AIMP2: variants seen among roughly 807,000 people sequenced by gnomAD.
The protein encoded by AIMP2 is aminoacyl tRNA synthase complex-interacting multifunctional protein 2.
AIMP2 carries 20 observed loss-of-function variants against 23.4 expected under a neutral mutation model. The observed-to-expected ratio is 0.85, with a 90% CI of 0.60 to 1.24. AIMP2 has a LOEUF of 1.24. Among genes scored for constraint, AIMP2 ranks in the 50% most tolerant of loss-of-function variants. The pLI is 0.00. For synonymous variants in AIMP2, 210 were observed against 170.4 expected, an observed-to-expected ratio of 1.23 and a Z score of -1.81; for missense variants, 515 against 414.5, an observed-to-expected ratio of 1.24 and a Z score of -2.10.
rs1044602990 is a variant in AIMP2 at position 6,017,360 on chromosome 7, T to TA, written c.343-441dup. The stretch of plus-strand genomic sequence containing the variant: ...GCAAAACCCCATCTCTACTAAAAAT[T>TA]AAAAAAAAAAAAATTAGCTGGGCAT... On this transcript the variant is annotated intron_variant, in intron 2 of 3. Coordinates refer to ENST00000223029, the MANE Select transcript of AIMP2 (RefSeq NM_006303.4). Among the ~76,000 whole-genome samples the TA allele has an allele frequency of 1.9e-3, 270 of 142,114 alleles. 1 individual carries two copies. The highest frequency in any genetic ancestry group is 5.6e-3 in the African/African-American group (215 of 38,704). 93.2% of individuals were successfully genotyped at this position (142,114 alleles called of 152,430 possible).
intron 2 of AIMP2, chr7:6,016,952 C>A: frequency 6.3e-6 from 1 of 158,974 alleles, no homozygotes; most frequent in East Asian, 1.8e-4. Flanking sequence ...ACTGTGGCCC[C>A]GAACCATTGC....
intron 3 of AIMP2, among the ~76,000 whole-genome samples, chr7:6,019,867 C>T (rs1429835876): frequency 6.6e-6 from 1 of 151,682 alleles, no homozygotes; most frequent in Non-Finnish European, 1.5e-5. Flanking sequence ...ACTAAAAATA[C>T]AAAAATTAGC....
At position 6,023,834 on chromosome 7, in the gene AIMP2, A is replaced by G; in HGVS notation, c.*143A>G. 6.4e-7 allele frequency: 1 copy of G among 1,555,066 alleles called. No homozygotes were observed. Among genetic ancestry groups the G allele is most frequent in the Non-Finnish European group, 8.7e-7 (1 of 1,148,946 alleles). The stretch of plus-strand genomic sequence containing the variant: ...TGTCAATAAAAGCATCATGTAATTT[A>G]TGGTTTTCATTTTATTTAAAATTCA... On this transcript the variant is annotated 3_prime_UTR_variant, in exon 4 of 4. Coordinates refer to ENST00000223029, the MANE Select transcript of AIMP2 (RefSeq NM_006303.4).
intron 3 of AIMP2, among the ~76,000 whole-genome samples, chr7:6,019,640 A>G (rs1787257048): frequency 6.6e-6 from 1 of 152,210 alleles, no homozygotes; most frequent in African/African-American, 2.4e-5. Flanking sequence ...ATGAGATTAC[A>G]TGAGAAAGGT....
chr7:6,023,245 C>A, intron 3 of AIMP2, 58 bp from the exon 4 acceptor site: 1 of 1,520,430 alleles, frequency 6.6e-7, no homozygotes, highest in Non-Finnish European at 8.7e-7. Flanking sequence ...CCCCACTGTG[C>A]GAGTACTTCC....
Position 6,018,009 on chromosome 7 carries a change from G to A in AIMP2, c.538G>A (p.Asp180Asn), listed in dbSNP as rs1787133834. The A allele has an allele frequency of 6.2e-7, 1 of 1,613,902 alleles. No individual in the cohort carries two copies. ...ACAGAATAAAAAACAGCCCCGCCAA[G>A]ACTATCAGCTGGGATTCACTTTAAT... Reference protein sequence around the residue: ...GEQNKKQPRQDYQLGFTLIWK... With the variant: ...GEQNKKQPRQNYQLGFTLIWK... The change falls in exon 3 of 4, where the codon GAC becomes AAC. Residue 180 changes from aspartate to asparagine, a missense_variant. By Grantham distance (23) the Asp-to-Asn change is conservative. Coordinates refer to ENST00000223029, the MANE Select transcript of AIMP2 (RefSeq NM_006303.4).
rs144366351 is a variant in AIMP2 at position 6,012,252 on chromosome 7, C to CAAA, written c.135+2766_135+2768dup. Among the ~76,000 whole-genome samples, 3 of 114,018 alleles carry CAAA rather than the reference C, an allele frequency of 2.6e-5. No homozygotes were observed. In the South Asian group the frequency reaches 8.2e-4, roughly 31 times the overall value. 74.8% of individuals were successfully genotyped at this position (114,018 alleles called of 152,430 possible). The stretch of plus-strand genomic sequence containing the variant: ...TGGGCAACAGAGTAAAACCCTGTCT[C>CAAA]AAAAAAAAAAAAAAGAAAAAAAGCA... On this transcript the variant is annotated intron_variant, in intron 1 of 3. Coordinates refer to ENST00000223029, the MANE Select transcript of AIMP2 (RefSeq NM_006303.4).
At position 6,009,974 on chromosome 7, in the gene AIMP2, A is replaced by AATATATACAT. The variant is rs1554310936; in HGVS notation, c.135+483_135+484insCATATATATA. On this transcript the variant is annotated intron_variant, in intron 1 of 3. Coordinates refer to ENST00000223029, the MANE Select transcript of AIMP2 (RefSeq NM_006303.4). ...CAAAAAAAAAAAAAAAAAAAAAAAA[A>AATATATACAT]ATATATATATATATATATGTATGTA... Among the ~76,000 whole-genome samples, 10 of 26,664 alleles carry AATATATACAT rather than the reference A, an allele frequency of 3.8e-4. 1 individual carries two copies. Among genetic ancestry groups the AATATATACAT allele is most frequent in the African/African-American group, 2.8e-4 (2 of 7,138 alleles). 17.5% of individuals were successfully genotyped at this position (26,664 alleles called of 152,430 possible).
intron 2 of AIMP2, among the ~76,000 whole-genome samples, chr7:6,015,936 C>T (rs908449659): frequency 1.3e-5 from 2 of 152,202 alleles, no homozygotes; most frequent in African/African-American, 4.8e-5. Flanking sequence ...AAGAGAGTTA[C>T]AGCCTCTGCC....
At chr7:6,014,381 C>A (rs1015896125) in intron 1 of AIMP2, among the ~76,000 whole-genome samples, 1 of 150,958 alleles carries the variant, frequency 6.6e-6, no homozygotes, top group African/African-American at 2.4e-5. Flanking sequence ...CCTCAGCCTC[C>A]TGAGTAGCTG....
At position 6,018,126 on chromosome 7, in the gene AIMP2, A is replaced by G. The variant is rs912722420; in HGVS notation, c.574+81A>G. On this transcript the variant is annotated intron_variant, in intron 3 of 3. Transcript: ENST00000223029. ...GTTTCACCTGCATGAGTCCATTTAC[A>G]TGTGGATTTTTTTCTTTTTCTTTTT... 4 of 1,047,838 alleles carry G rather than the reference A, an allele frequency of 3.8e-6. No homozygotes were observed. The South Asian group carries it at 5.0e-5, about 13-fold the overall frequency. 64.9% of individuals were successfully genotyped at this position (1,047,838 alleles called of 1,614,324 possible).
At chr7:6,012,576 G>C in intron 1 of AIMP2, 1 of 192,746 alleles carries the variant, frequency 5.2e-6, no homozygotes. Context: ...TTTTGTTTTT[G>C]AGACAGAGTC....
Position 6,015,957 on chromosome 7 carries a change from T to G in AIMP2, c.342+605T>G, listed in dbSNP as rs115050842. On this transcript the variant is annotated intron_variant, in intron 2 of 3. Transcript: ENST00000223029. ...GTTACAGCCTCTGCCAGTCCGGGCA[T>G]GGGTCCAGCAGCTTCTGAGCCCTGG... Among the ~76,000 whole-genome samples, 172 of 152,248 alleles carry G rather than the reference T, an allele frequency of 1.1e-3. 2 individuals carry two copies. The highest frequency in any genetic ancestry group is 4.0e-3 in the African/African-American group (166 of 41,534).
rs747111139 is a variant in AIMP2, at chr7:6,023,622, T to C, written c.894T>C (p.Asn298=). Residue 298 remains asparagine, a synonymous_variant, in exon 4 of 4, where the codon AAT becomes AAC. Coordinates refer to ENST00000223029, the MANE Select transcript of AIMP2 (RefSeq NM_006303.4). Reference sequence around the variant, plus strand: ...GCTGCAGTGTGACAGTGCCAGCCAATGTGCAGAGGTGGATGAGGTCTTGTG... The same window carrying C: ...GCTGCAGTGTGACAGTGCCAGCCAACGTGCAGAGGTGGATGAGGTCTTGTG... ...IGGCSVTVPA[N]VQRWMRSCEN... 4.3e-6 allele frequency: 7 copies of C among 1,614,004 alleles called. No homozygotes were observed. The highest frequency in any genetic ancestry group is 1.6e-4 in the Middle Eastern group (1 of 6,084).
At position 6,023,558 on chromosome 7, in the gene AIMP2, C is replaced by T. The variant is rs1787615880; in HGVS notation, c.830C>T (p.Ala277Val). 1 of 1,614,140 alleles carries T rather than the reference C, an allele frequency of 6.2e-7. No homozygotes were observed. Among genetic ancestry groups the T allele is most frequent in the Admixed American group, 1.7e-5 (1 of 60,008 alleles). Residue 277 changes from alanine (A) to valine (V), a missense_variant, in exon 4 of 4, where the codon GCA becomes GTA. By Grantham distance (64) the Ala-to-Val change is moderately conservative. Coordinates refer to ENST00000223029, the MANE Select transcript of AIMP2 (RefSeq NM_006303.4). ...CTCGCTGGGAATGAACTCACCGTAG[C>T]AGACGTGGTGCTGTGGTCTGTACTC... is the stretch of plus-strand genomic sequence containing the variant. ...PWLAGNELTV[A>V]DVVLWSVLQQ...
rs747742165 is a variant in AIMP2 at position 6,023,442 on chromosome 7, T to C, written c.714T>C (p.Asp238=). 6.2e-7 allele frequency: 1 copy of C among 1,614,172 alleles called. No homozygotes were observed. The highest frequency in any genetic ancestry group is 8.5e-7 in the Non-Finnish European group (1 of 1,180,008). Residue 238 remains aspartate (D), a synonymous_variant, in exon 4 of 4, where the codon GAT becomes GAC. Transcript: ENST00000223029. ...CAACCCTTATAGATAGCTGGGTAGA[T>C]ATTGCGATTTTTCAGTTAAAAGAGG... ...VNATLIDSWV[D]IAIFQLKEGS...
In AIMP2 at chr7:6,009,438, C is replaced by G; in HGVS notation, c.75C>G (p.Tyr25Ter). 1 of 1,611,046 alleles carries G rather than the reference C, an allele frequency of 6.2e-7. No individual in the cohort carries two copies. The highest frequency in any genetic ancestry group is 8.5e-7 in the Non-Finnish European group (1 of 1,179,824). The change falls in exon 1 of 4, where the codon TAC (tyrosine) becomes TAG (stop). Residue 25 changes from tyrosine (Y) to a stop codon, truncating the protein, a stop_gained. Transcript: ENST00000223029. LOFTEE classifies it high-confidence loss of function. ...PLRVELPTCMYRLPNVHGRSY... is the reference protein window; with the variant it reads ...PLRVELPTCM The stretch of plus-strand genomic sequence containing the variant: ...GTGTGGAGCTTCCCACCTGCATGTA[C>G]CGGCTCCCCAACGTGCACGGCAGGA...
rs754902896 is a variant in AIMP2, at chr7:6,009,513, C to T, written c.135+15C>T. On this transcript the variant is annotated intron_variant, in intron 1 of 3. Coordinates refer to ENST00000223029, the MANE Select transcript of AIMP2 (RefSeq NM_006303.4). The stretch of plus-strand genomic sequence containing the variant: ...GCCACGTGCAGGTAGGAGCGCGGGG[C>T]CCCCCGCCCAGTGCGCACGCGCGGC... 2.0e-5 allele frequency: 30 copies of T among 1,466,988 alleles called. No individual in the cohort carries two copies. The highest frequency in any genetic ancestry group is 3.0e-5 in the African/African-American group (2 of 66,886). The allele number at this position is 1,466,988 out of a possible 1,614,324, so 90.9% of individuals were successfully genotyped here. A position where few individuals can be genotyped will look rare whatever the true frequency, so the allele number is the denominator to read the frequency against.
chr7:6,012,706 C>T (rs973798737), intron 1 of AIMP2: 6 of 503,146 alleles, frequency 1.2e-5, no homozygotes, highest in African/African-American at 6.0e-5. Flanking sequence ...ATTACAGGTG[C>T]CCCCCACCAA....
Sources: allele counts gnomAD v4.1 joint callset (sites outside exome capture counted in the v4.1 genomes callset), GRCh38; gene constraint gnomAD v4.1.1; transcripts MANE v1.5; gene names NCBI Gene and HGNC (gene_info 2026-07-23, HGNC 2026-07-21).